FAT2: variants seen among roughly 807,000 people sequenced by gnomAD.
FAT2 encodes the protein FAT atypical cadherin 2, also known as protocadherin Fat 2.
In FAT2, 150 loss-of-function variants were observed where a neutral mutation model predicts 295.3. That is an observed-to-expected ratio of 0.51 (90% confidence interval 0.44 to 0.58). The LOEUF (loss-of-function observed/expected upper bound fraction) is 0.58. FAT2 is among the 20% of genes least tolerant of loss of function. The pLI, the probability that FAT2 is intolerant of heterozygous loss-of-function variation, is 0.00. For missense variants in FAT2, 4,868 were observed against 5,442.7 expected (o/e 0.89, Z 3.32); for synonymous variants, 2,026 against 2,150.3 (o/e 0.94, Z 1.60).
rs752643829 is a variant in FAT2 at position 151,507,631 on chromosome 5, A to G, written c.12060-20T>C. On this transcript the variant is annotated intron_variant, in intron 22 of 23. Coordinates refer to ENST00000261800, the MANE Select transcript of FAT2 (RefSeq NM_001447.3). ...TCACACCTGCGGAGACAGAGTAGTC[A>G]GGGGGCCAAGTCATGAAATTGCCCT... 2.1e-6 allele frequency: 3 copies of G among 1,442,604 alleles called. No homozygotes were observed. In the African/African-American group the frequency reaches 4.4e-5, roughly 21 times the overall value. 89.4% of individuals were successfully genotyped at this position (1,442,604 alleles called of 1,614,324 possible).
Position 151,551,411 on chromosome 5 carries a change from C to T in FAT2, c.4296+56G>A, listed in dbSNP as rs1757198601. On this transcript the variant is annotated intron_variant, in intron 7 of 23. Transcript: ENST00000261800. ...GAAAACCTCTGTAGCCTCATCCCAACCAAGAAGGCCTTCCATCTCCTCTCA... is the reference window on the plus strand; with the variant it reads ...GAAAACCTCTGTAGCCTCATCCCAATCAAGAAGGCCTTCCATCTCCTCTCA... The T allele has an allele frequency of 2.5e-6, 4 of 1,588,632 alleles. No homozygotes were observed. In the East Asian group the frequency reaches 9.0e-5, roughly 36 times the overall value.
chr5:151,593,141 A>T (rs1259624719), upstream of FAT2, among the ~76,000 whole-genome samples: 2 of 152,218 alleles, frequency 1.3e-5, no homozygotes, highest in Non-Finnish European at 2.9e-5. Context: ...ATCGACTCCC[A>T]GGGAGCCTGT....
chr5:151,591,489 G>A (rs1759404736), upstream of FAT2, among the ~76,000 whole-genome samples: 1 of 152,204 alleles, frequency 6.6e-6, no homozygotes, highest in South Asian at 2.1e-4. Context: ...GAAAATGAAA[G>A]GAGCTGAGAA....
At chr5:151,574,272 A>G (rs1472448496) in intron 1 of FAT2, among the ~76,000 whole-genome samples, 1 of 152,172 alleles carries the variant, frequency 6.6e-6, no homozygotes, top group African/African-American at 2.4e-5. Context: ...TCATCTGTAA[A>G]TAATGTGTGT....
intron 20 of FAT2, among the ~76,000 whole-genome samples, chr5:151,514,843 A>G (rs1451260067): frequency 6.6e-6 from 1 of 152,082 alleles, no homozygotes; most frequent in Non-Finnish European, 1.5e-5. Flanking sequence ...TCACCTCCTC[A>G]AGGGTCTACT....
At chr5:151,579,253 T>G (rs1196769797) in intron 1 of FAT2, among the ~76,000 whole-genome samples, 1 of 152,096 alleles carries the variant, frequency 6.6e-6, no homozygotes, top group Non-Finnish European at 1.5e-5. Context: ...GAGAATACAT[T>G]TGAAATTTTG....
At chr5:151,551,158 C>G (rs745703628) in intron 7 of FAT2, among the ~76,000 whole-genome samples, 9 of 152,174 alleles carry the variant, frequency 5.9e-5, no homozygotes, top group Non-Finnish European at 1.2e-4. Flanking sequence ...CTGGCTGAAG[C>G]TAGAATAGAA....
At position 151,541,710 on chromosome 5, in the gene FAT2, G is replaced by A. The variant is rs1038483368; in HGVS notation, c.8842+575C>T. Among the ~76,000 whole-genome samples, 4 of 152,222 alleles carry A rather than the reference G, an allele frequency of 2.6e-5. No homozygotes were observed. The East Asian group carries it at 5.8e-4, about 22-fold the overall frequency. On this transcript the variant is annotated intron_variant, in intron 10 of 23. Coordinates refer to ENST00000261800, the MANE Select transcript of FAT2 (RefSeq NM_001447.3). The stretch of plus-strand genomic sequence containing the variant: ...TATCCACTAATGAAAGCAGCTTATA[G>A]GGTAGGGTTTTAATCCCAGCCCTGA...
chr5:151,546,892 AT>A (rs1756693039), intron 9 of FAT2, among the ~76,000 whole-genome samples: 1 of 151,874 alleles, frequency 6.6e-6, no homozygotes, highest in African/African-American at 2.4e-5. Context: ...TTTTAATATA[AT>A]TTTTAATAGC....
In FAT2 at chr5:151,553,298, G is replaced by C. The variant is rs1459958095; in HGVS notation, c.4035C>G (p.Ile1345Met). The change falls in exon 6 of 24, where the codon ATC becomes ATG. Residue 1345 changes from isoleucine to methionine, a missense_variant. Ile to Met is a conservative substitution (Grantham distance 10). Around this residue, in one of 5 missense-constraint regions of FAT2, gnomAD observed 3,297 missense variants for 3,669.4 expected, o/e 0.90. Coordinates refer to ENST00000261800, the MANE Select transcript of FAT2 (RefSeq NM_001447.3). The part of the protein sequence containing the change: ...EWIPWPRPSS[I>M]PLAFDETYYS... The stretch of plus-strand genomic sequence containing the variant: ...AGTAGGTCTCATCAAAGGCCAGAGG[G>C]ATGGAGGACGGCCGGGGCCAAGGGA... 1 of 1,614,272 alleles carries C rather than the reference G, an allele frequency of 6.2e-7. No individual in the cohort carries two copies. The highest frequency in any genetic ancestry group is 1.7e-5 in the Admixed American group (1 of 60,030).
At chr5:151,515,839 G>C (rs1026098742) in intron 20 of FAT2, among the ~76,000 whole-genome samples, 1 of 152,172 alleles carries the variant, frequency 6.6e-6, no homozygotes, top group Non-Finnish European at 1.5e-5. Context: ...AAGAAGCCAT[G>C]ATGACCCTTT....
At chr5:151,558,899 T>C (rs982041545) in intron 3 of FAT2, among the ~76,000 whole-genome samples, 4 of 152,192 alleles carry the variant, frequency 2.6e-5, no homozygotes, top group African/African-American at 9.7e-5. Context: ...CAGAAGGTCA[T>C]CCAAAGCCAT....
Position 151,566,142 on chromosome 5 carries a change from G to T in FAT2, c.2790C>A (p.Asn930Lys). 6.2e-7 allele frequency: 1 copy of T among 1,614,132 alleles called. No individual in the cohort carries two copies. Among genetic ancestry groups the T allele is most frequent in the African/African-American group, 1.3e-5 (1 of 75,038 alleles). Residue 930 changes from asparagine (N) to lysine (K), a missense_variant, in exon 2 of 24, where the codon AAC (asparagine) becomes AAA (lysine). By Grantham distance (94) the Asn-to-Lys change is moderately conservative. Transcript: ENST00000261800. ...DNSPQCITEH[N>K]RLKVPEDLPP... ...GCAGGTCCTCTGGAACCTTCAGCCT[G>T]TTGTGTTCTGTGATGCACTGGGGAG... is the stretch of plus-strand genomic sequence containing the variant.
chr5:151,552,432 C>G (rs1045755538), intron 6 of FAT2, among the ~76,000 whole-genome samples: 1 of 152,200 alleles, frequency 6.6e-6, no homozygotes, highest in African/African-American at 2.4e-5. Context: ...TCCTATCCTA[C>G]TCTTAGCCAG....
chr5:151,546,484 G>A, intron 9 of FAT2, 147 bp from the exon 10 acceptor site: 1 of 583,564 alleles, frequency 1.7e-6, no homozygotes, highest in Non-Finnish European at 3.0e-6. Context: ...ATAGTGTATA[G>A]AGTAGATACT....
At position 151,507,430 on chromosome 5, in the gene FAT2, T is replaced by C; in HGVS notation, c.12241A>G (p.Met4081Val). ...RRCKSHKPVA[M>V]EDPDLLARSV... ...CTGGCCAGGAGGTCTGGGTCCTCCA[T>C]GGCCACAGGCTTGTGAGACTTGCAA... The change falls in exon 23 of 24, where the codon ATG becomes GTG. Residue 4081 changes from methionine (M) to valine (V), a missense_variant. This residue lies in a region of FAT2 where 492 missense variants were observed against 482.6 expected (regional missense o/e 1.02). Coordinates refer to ENST00000261800, the MANE Select transcript of FAT2 (RefSeq NM_001447.3). 2 of 1,614,122 alleles carry C rather than the reference T, an allele frequency of 1.2e-6. No individual in the cohort carries two copies. Among genetic ancestry groups the C allele is most frequent in the Non-Finnish European group, 1.7e-6 (2 of 1,180,020 alleles).
At chr5:151,554,735 A>G in intron 4 of FAT2, 62 bp from the exon 5 acceptor site, 2 of 1,264,132 alleles carry the variant, frequency 1.6e-6, no homozygotes, top group African/African-American at 3.2e-5. Flanking sequence ...ACTATGCTTT[A>G]ACAACCTGGA....
intron 1 of FAT2, among the ~76,000 whole-genome samples, chr5:151,586,071 A>G (rs1466170305): frequency 1.3e-5 from 2 of 152,210 alleles, no homozygotes; most frequent in Non-Finnish European, 2.9e-5. Context: ...TAAGCTTCCA[A>G]GGGTCCAAAA....
At chr5:151,586,314 G>T (rs1198231313) in intron 1 of FAT2, among the ~76,000 whole-genome samples, 1 of 152,228 alleles carries the variant, frequency 6.6e-6, no homozygotes, top group African/African-American at 2.4e-5. Context: ...TCTCCTCTGT[G>T]AGCTCCCTGC....
Sources: gnomAD v4.1 joint callset for allele counts (sites outside exome capture counted in the v4.1 genomes callset) on GRCh38, gnomAD v4.1.1 for gene constraint, gnomAD v4.1.1 regional missense constraint, MANE v1.5 for transcripts, NCBI Gene and HGNC (gene_info 2026-07-23, HGNC 2026-07-21) for gene names.